Variants in PLCL2 observed in about 807,000 individuals in gnomAD.
PLCL2 encodes phospholipase C like 2, also known as inactive phospholipase C-like protein 2.
A neutral mutation model predicts 79.6 loss-of-function variants in PLCL2; 4 were observed. That is an observed-to-expected ratio of 0.05 (90% CI 0.02 to 0.11). PLCL2 has a LOEUF of 0.11. Among genes scored for constraint, PLCL2 ranks in the 10% least tolerant of loss-of-function variants. PLCL2 has a pLI of 1.00. For synonymous variants in PLCL2, 484 were observed against 457.7 expected, an observed-to-expected ratio of 1.06 and a Z score of -0.73; for missense variants, 895 against 1,291.0, an observed-to-expected ratio of 0.69 and a Z score of 4.70.
chr3:17,028,469 TC>T (rs2064542513), intron 3 of PLCL2, among the ~76,000 whole-genome samples: 1 of 148,798 alleles, frequency 6.7e-6, no homozygotes, highest in African/African-American at 2.4e-5. Flanking sequence ...ATTAGCTTGA[TC>T]CTTTTTTTTT....
At chr3:16,919,499 A>G (rs1697074037) in intron 1 of PLCL2, among the ~76,000 whole-genome samples, 1 of 151,804 alleles carries the variant, frequency 6.6e-6, no homozygotes, top group Non-Finnish European at 1.5e-5. Context: ...GTATTGTTCT[A>G]TTGTATCCCT....
At chr3:16,907,553 A>C (rs563321026) in intron 1 of PLCL2, among the ~76,000 whole-genome samples, 1 of 152,348 alleles carries the variant, frequency 6.6e-6, no homozygotes, top group Non-Finnish European at 1.5e-5. Context: ...TATGATGCCC[A>C]GTTCCCCAGA....
intron 4 of PLCL2, among the ~76,000 whole-genome samples, chr3:17,055,548 TCA>T (rs768302420): frequency 1.3e-5 from 2 of 152,174 alleles, no homozygotes; most frequent in Non-Finnish European, 2.9e-5. Flanking sequence ...CATCATATAT[TCA>T]CAGAGTCATG....
chr3:16,890,491 T>A (rs999571824), intron 1 of PLCL2, among the ~76,000 whole-genome samples: 1 of 152,250 alleles, frequency 6.6e-6, no homozygotes, highest in Non-Finnish European at 1.5e-5. Flanking sequence ...AGGGCAACAT[T>A]ATTTACAGCC....
At chr3:16,910,787 T>C (rs1696862144) in intron 1 of PLCL2, among the ~76,000 whole-genome samples, 1 of 152,056 alleles carries the variant, frequency 6.6e-6, no homozygotes, top group African/African-American at 2.4e-5. Context: ...GCCTGCTCCA[T>C]CTGTAGCCTT....
chr3:16,995,474 G>A (rs2064144688), intron 1 of PLCL2, among the ~76,000 whole-genome samples: 1 of 152,206 alleles, frequency 6.6e-6, no homozygotes, highest in Non-Finnish European at 1.5e-5. Context: ...TCACAACAGA[G>A]GCAGGCTAGC....
intron 1 of PLCL2, among the ~76,000 whole-genome samples, chr3:16,999,672 G>A (rs2064187466): frequency 6.6e-6 from 1 of 152,114 alleles, no homozygotes; most frequent in African/African-American, 2.4e-5. Context: ...TTCTGTGGGT[G>A]ATTCCTAAAC....
intron 1 of PLCL2, among the ~76,000 whole-genome samples, chr3:16,892,166 A>C (rs904009132): frequency 2.0e-5 from 3 of 152,274 alleles, no homozygotes; most frequent in African/African-American, 7.2e-5. Context: ...ACTGGTTTTG[A>C]TTGGAATATA....
chr3:17,052,061 A>C (rs1382508267), intron 4 of PLCL2, among the ~76,000 whole-genome samples: 1 of 152,148 alleles, frequency 6.6e-6, no homozygotes, highest in East Asian at 1.9e-4. Flanking sequence ...AGAGGACATC[A>C]TACATGTTTA....
At chr3:16,984,612 G>A (rs1351502365) in intron 1 of PLCL2, among the ~76,000 whole-genome samples, 2 of 152,062 alleles carry the variant, frequency 1.3e-5, no homozygotes, top group Non-Finnish European at 2.9e-5. Flanking sequence ...TAGCAAAAAA[G>A]GATTATGACT....
At chr3:17,039,042 C>T (rs1006786213) in intron 3 of PLCL2, among the ~76,000 whole-genome samples, 30 of 152,196 alleles carry the variant, frequency 2.0e-4, no homozygotes, top group African/African-American at 7.0e-4. Context: ...TAATTACTCA[C>T]CTCACATGGA....
chr3:17,067,738 T>C lies in PLCL2; in HGVS notation c.3095-218T>C, dbSNP rs185494265. 3.4e-3 allele frequency among the ~76,000 whole-genome samples: 516 copies of C among 152,282 alleles called. 5 individuals carry two copies. The highest frequency in any genetic ancestry group is 2.1e-3 in the Non-Finnish European group (146 of 68,026). On this transcript the variant is annotated intron_variant, in intron 4 of 5. Coordinates refer to ENST00000615277, the MANE Select transcript of PLCL2 (RefSeq NM_001144382.2). ...GGTGCCCTGTTTCCCTTCAGAACAA[T>C]GAGGAACAATTGCTGACTTCGAAGA... is the stretch of plus-strand genomic sequence containing the variant.
chr3:16,958,838 C>A (rs1161514928), intron 1 of PLCL2, among the ~76,000 whole-genome samples: 2 of 152,226 alleles, frequency 1.3e-5, no homozygotes, highest in African/African-American at 4.8e-5. Context: ...TGCAGAACTG[C>A]CAGATCAGGC....
rs1305280331 is a variant in PLCL2, at chr3:16,979,970, A to AC, written c.328-29697dup. ...GGGCGGCTGGCCGGACGGGGGGCTG[A>AC]CCCCCCCAACCTCCCTCCTGGATGG... On this transcript the variant is annotated intron_variant, in intron 1 of 5. Transcript: ENST00000615277. Among the ~76,000 whole-genome samples the AC allele has an allele frequency of 1.1e-3, 149 of 135,466 alleles. 1 individual carries two copies. Among genetic ancestry groups the AC allele is most frequent in the Middle Eastern group, 4.0e-3 (1 of 252 alleles). The allele number at this position is 135,466 out of a possible 152,430, so 88.9% of individuals were successfully genotyped here. A position where few individuals can be genotyped will look rare whatever the true frequency, so the allele number is the denominator to read the frequency against.
At chr3:17,041,398 G>A (rs146642637) in intron 3 of PLCL2, among the ~76,000 whole-genome samples, 82 of 152,224 alleles carry the variant, frequency 5.4e-4, no homozygotes, top group African/African-American at 1.2e-3. Flanking sequence ...TTATGAAGGC[G>A]TAAATAAATG....
intron 5 of PLCL2, among the ~76,000 whole-genome samples, chr3:17,069,615 G>C (rs2065044209): frequency 6.6e-6 from 1 of 152,130 alleles, no homozygotes; most frequent in Admixed American, 6.5e-5. Context: ...ACAGATTCAA[G>C]ACCATAAAGA....
intron 1 of PLCL2, among the ~76,000 whole-genome samples, chr3:16,997,790 G>A (rs1465226830): frequency 2.0e-5 from 3 of 151,620 alleles, no homozygotes; most frequent in South Asian, 2.1e-4. Context: ...CACCTGCCTC[G>A]GCCTCCCAAA....
intron 1 of PLCL2, among the ~76,000 whole-genome samples, chr3:16,924,386 C>T (rs1001863956): frequency 6.6e-6 from 1 of 152,166 alleles, no homozygotes; most frequent in Non-Finnish European, 1.5e-5. Flanking sequence ...GCTTAGCAGT[C>T]AGTTAGTGAT....
chr3:17,050,104 C>T (rs2064824136), intron 4 of PLCL2, among the ~76,000 whole-genome samples: 3 of 152,076 alleles, frequency 2.0e-5, no homozygotes, highest in Non-Finnish European at 4.4e-5. Flanking sequence ...TTCAGTAAAT[C>T]GTGCAGGGAA....
Sources: gnomAD v4.1 joint callset for allele counts (sites outside exome capture counted in the v4.1 genomes callset) on GRCh38, gnomAD v4.1.1 for gene constraint, MANE v1.5 for transcripts, NCBI Gene and HGNC (gene_info 2026-07-23, HGNC 2026-07-21) for gene names.